The following DAB1 variants were observed in gnomAD, a reference collection of about 807,000 sequenced individuals.
DAB1 encodes the protein DAB adaptor protein 1.
DAB1 carries 15 observed loss-of-function variants against 64.6 expected under a neutral mutation model. That is an observed-to-expected ratio of 0.23 (90% CI 0.16 to 0.36). The LOEUF (loss-of-function observed/expected upper bound fraction) is 0.36. Among genes scored for constraint, DAB1 ranks in the 10% least tolerant of loss-of-function variants. DAB1 has a pLI of 1.00. For missense variants in DAB1, 596 were observed against 706.7 expected (o/e 0.84, Z 1.78); for synonymous variants, 235 against 251.9 (o/e 0.93, Z 0.64).
At chr1:57,066,503 A>G (rs1650927862) in intron 8 of DAB1, among the ~76,000 whole-genome samples, 1 of 152,214 alleles carries the variant, frequency 6.6e-6, no homozygotes, top group African/African-American at 2.4e-5. Flanking sequence ...CAAGACTATT[A>G]GAAAAACCTC....
chr1:57,149,004 A>G (rs1659410576), intron 2 of DAB1, among the ~76,000 whole-genome samples: 1 of 152,134 alleles, frequency 6.6e-6, no homozygotes. Context: ...GTCACTCCCT[A>G]TCTTCCCATT....
intron 7 of DAB1, chr1:57,070,711 T>G: frequency 2.8e-6 from 1 of 358,072 alleles, no homozygotes; most frequent in Admixed American, 4.3e-5. Flanking sequence ...TCTAATGAAC[T>G]CAGAATATTC....
chr1:57,385,602 T>A (rs1681742363), intron 1 of DAB1, among the ~76,000 whole-genome samples: 1 of 152,130 alleles, frequency 6.6e-6, no homozygotes, highest in South Asian at 2.1e-4. Context: ...TGTAATTACA[T>A]CTCAGGAAGT....
intron 7 of DAB1, among the ~76,000 whole-genome samples, chr1:57,540,157 A>G (rs1175066513): frequency 6.6e-6 from 1 of 152,218 alleles, no homozygotes; most frequent in Non-Finnish European, 1.5e-5. Context: ...CGCAGATTTA[A>G]TTTTTGCCAT....
At chr1:57,357,317 C>A (rs530572289) in intron 1 of DAB1, among the ~76,000 whole-genome samples, 69 of 152,124 alleles carry the variant, frequency 4.5e-4, no homozygotes, top group Non-Finnish European at 5.9e-4. Context: ...GTTATATGAT[C>A]TGATGCATAA....
chr1:57,062,512 C>T (rs1160843580), intron 9 of DAB1, among the ~76,000 whole-genome samples: 1 of 152,182 alleles, frequency 6.6e-6, no homozygotes, highest in Non-Finnish European at 1.5e-5. Context: ...ATTGGATACA[C>T]AACACTATTA....
intron 5 of DAB1, among the ~76,000 whole-genome samples, chr1:57,989,214 G>A (rs1646291227): frequency 6.6e-6 from 1 of 152,148 alleles, no homozygotes; most frequent in African/African-American, 2.4e-5. Context: ...GTAAAGTGCT[G>A]AGAAAGGAGC....
At chr1:57,401,999 T>C (rs1291321230) in intron 1 of DAB1, among the ~76,000 whole-genome samples, 1 of 152,144 alleles carries the variant, frequency 6.6e-6, no homozygotes, top group African/African-American at 2.4e-5. Flanking sequence ...AATGACACCA[T>C]TATACAATAG....
intron 2 of DAB1, among the ~76,000 whole-genome samples, chr1:57,154,442 G>T (rs531848302): frequency 6.6e-6 from 1 of 152,172 alleles, no homozygotes; most frequent in Non-Finnish European, 1.5e-5. Flanking sequence ...TTCATCTGTT[G>T]ATGGACAACA....
At chr1:57,795,964 A>G (rs1458327550) in intron 6 of DAB1, among the ~76,000 whole-genome samples, 2 of 151,638 alleles carry the variant, frequency 1.3e-5, no homozygotes, top group African/African-American at 2.4e-5. Context: ...TTTTAAAACT[A>G]TAAGGAGCTA....
chr1:58,531,862 C>T (rs1646439852), intron 1 of DAB1, among the ~76,000 whole-genome samples: 1 of 152,056 alleles, frequency 6.6e-6, no homozygotes, highest in Non-Finnish European at 1.5e-5. Context: ...GTACCCACCA[C>T]CATGCTCAGC....
At chr1:58,443,280 C>T (rs1645032741) in intron 3 of DAB1, among the ~76,000 whole-genome samples, 1 of 152,242 alleles carries the variant, frequency 6.6e-6, no homozygotes, top group Non-Finnish European at 1.5e-5. Context: ...CAATGCCAGC[C>T]TCTCACAGTA....
chr1:57,882,919 T>G (rs1644167076), intron 1 of DAB1, among the ~76,000 whole-genome samples: 1 of 152,194 alleles, frequency 6.6e-6, no homozygotes, highest in Non-Finnish European at 1.5e-5. Flanking sequence ...CCAGTTTTTT[T>G]GTCCATGGGA....
intron 1 of DAB1, among the ~76,000 whole-genome samples, chr1:57,423,441 A>G (rs1336639169): frequency 6.6e-6 from 1 of 150,954 alleles, no homozygotes; most frequent in Non-Finnish European, 1.5e-5. Flanking sequence ...AGCGCTACGG[A>G]GGAGTAGGGA....
chr1:58,238,321 C>G (rs1660140930), intron 4 of DAB1, among the ~76,000 whole-genome samples: 2 of 152,206 alleles, frequency 1.3e-5, no homozygotes, highest in Admixed American at 1.3e-4. Context: ...ATGCTTCCAT[C>G]ATGAACGGTA....
intron 6 of DAB1, chr1:57,649,732 T>C (rs1047583065): frequency 8.5e-5 from 13 of 152,202 alleles, no homozygotes; most frequent in Non-Finnish European, 1.8e-4. Context: ...TTGTTTTTCT[T>C]CTCTCTCAGT....
At chr1:57,971,169 T>C (rs1238683222) in intron 5 of DAB1, among the ~76,000 whole-genome samples, 1 of 152,160 alleles carries the variant, frequency 6.6e-6, no homozygotes, top group Non-Finnish European at 1.5e-5. Context: ...TTTGGCTTCA[T>C]GAGAAGTGTT....
chr1:57,815,728 C>T (rs747222306), intron 6 of DAB1, among the ~76,000 whole-genome samples: 5 of 151,814 alleles, frequency 3.3e-5, no homozygotes, highest in Admixed American at 6.6e-5. Context: ...TCTTCAGCTG[C>T]CCCCATGGCT....
intron 4 of DAB1, among the ~76,000 whole-genome samples, chr1:57,121,734 T>C (rs1211264919): frequency 6.6e-6 from 1 of 152,008 alleles, no homozygotes; most frequent in Non-Finnish European, 1.5e-5. Context: ...TTAATTTTTG[T>C]ATAAGGTGTA....
Sources: allele counts gnomAD v4.1 joint callset (sites outside exome capture counted in the v4.1 genomes callset), GRCh38; gene constraint gnomAD v4.1.1; transcripts MANE v1.5; gene names NCBI Gene and HGNC (gene_info 2026-07-23, HGNC 2026-07-21).